The following BMPER variants were observed in gnomAD, a reference collection of about 807,000 sequenced individuals.
BMPER encodes BMP-binding endothelial regulator protein.
In BMPER, 45 loss-of-function variants were observed where a neutral mutation model predicts 87.3. The ratio of observed to expected loss-of-function variants is 0.52; its 90% confidence interval spans 0.41 to 0.66. BMPER has a LOEUF of 0.66. Ranked by LOEUF, BMPER falls within the 30% of genes least tolerant of loss-of-function variation. BMPER has a pLI of 0.00. For missense variants in BMPER, 784 were observed against 867.5 expected (o/e 0.90, Z 1.21); for synonymous variants, 326 against 316.2 (o/e 1.03, Z -0.33).
At chr7:34,145,572 C>T (rs1790995585) in intron 14 of BMPER, among the ~76,000 whole-genome samples, 1 of 152,130 alleles carries the variant, frequency 6.6e-6, no homozygotes, top group South Asian at 2.1e-4. Flanking sequence ...TGGGTCCTTC[C>T]AGCCATCTTG....
intron 2 of BMPER, among the ~76,000 whole-genome samples, chr7:33,923,613 C>T (rs1562632473): frequency 6.6e-6 from 1 of 152,074 alleles, no homozygotes; most frequent in Non-Finnish European, 1.5e-5. Context: ...GTATCTTGGT[C>T]CCTAAAATAC....
At chr7:34,006,280 T>G (rs1375847296) in intron 6 of BMPER, among the ~76,000 whole-genome samples, 1 of 152,074 alleles carries the variant, frequency 6.6e-6, no homozygotes, top group Non-Finnish European at 1.5e-5. Flanking sequence ...TTTAAAAGCC[T>G]TAGAAAAATA....
At chr7:34,112,474 G>A (rs761917620) in intron 13 of BMPER, among the ~76,000 whole-genome samples, 5 of 141,326 alleles carry the variant, frequency 3.5e-5, no homozygotes, top group Non-Finnish European at 6.1e-5. Context: ...CAGCCTGGGC[G>A]ACGGAGCGAG....
intron 10 of BMPER, among the ~76,000 whole-genome samples, chr7:34,060,415 A>G (rs1279726787): frequency 6.6e-6 from 1 of 152,156 alleles, no homozygotes; most frequent in East Asian, 1.9e-4. Flanking sequence ...AGTCTTGAGA[A>G]ACCAAAAGAG....
At chr7:34,048,468 A>AGT (rs1465887396) in intron 7 of BMPER, among the ~76,000 whole-genome samples, 1 of 152,180 alleles carries the variant, frequency 6.6e-6, no homozygotes, top group Admixed American at 6.5e-5. Context: ...TTGGGTTGCC[A>AGT]GTGTGTGTCA....
intron 7 of BMPER, among the ~76,000 whole-genome samples, chr7:34,050,577 G>C (rs1001750031): frequency 6.6e-6 from 1 of 152,114 alleles, no homozygotes; most frequent in African/African-American, 2.4e-5. Context: ...TAGGTATTTT[G>C]AGCATTTCAT....
At chr7:33,948,446 T>C (rs1353101969) in intron 3 of BMPER, among the ~76,000 whole-genome samples, 6 of 152,172 alleles carry the variant, frequency 3.9e-5, no homozygotes, top group African/African-American at 1.4e-4. Context: ...GAGGGGGTCT[T>C]CTGACTCCCA....
At chr7:33,964,801 C>T (rs925651303) in intron 3 of BMPER, among the ~76,000 whole-genome samples, 8 of 152,120 alleles carry the variant, frequency 5.3e-5, no homozygotes, top group Non-Finnish European at 1.2e-4. Flanking sequence ...ATCACCCTTT[C>T]TTTCAGTTTT....
intron 6 of BMPER, among the ~76,000 whole-genome samples, chr7:34,039,589 G>A (rs1787776052): frequency 7.2e-6 from 1 of 138,118 alleles, no homozygotes; most frequent in Non-Finnish European, 1.6e-5. Context: ...AATCTAGTGG[G>A]TAAGACACAC....
upstream of BMPER, chr7:33,905,515 A>G (rs1231864936): frequency 7.7e-6 from 10 of 1,305,548 alleles, no homozygotes; most frequent in Non-Finnish European, 1.0e-5. Context: ...CGGTCTCCCG[A>G]CACGCCGGCT....
chr7:33,958,918 TG>T (rs1346430049), intron 3 of BMPER, among the ~76,000 whole-genome samples: 1 of 152,084 alleles, frequency 6.6e-6, no homozygotes, highest in African/African-American at 2.4e-5. Flanking sequence ...AATTGAATGG[TG>T]GGGGCAGTTT....
intron 13 of BMPER, among the ~76,000 whole-genome samples, chr7:34,132,277 A>G (rs1790612609): frequency 6.6e-6 from 1 of 152,014 alleles, no homozygotes; most frequent in African/African-American, 2.4e-5. Flanking sequence ...GTGCCCCCTT[A>G]ATATGTTGCC....
At chr7:34,098,044 A>G (rs73690147) in intron 13 of BMPER, among the ~76,000 whole-genome samples, 1,568 of 152,140 alleles carry the variant, frequency 0.01, 31 homozygotes, top group African/African-American at 0.036. Context: ...CTCCTCGTTC[A>G]TGAAGTCATG....
At chr7:33,975,900 T>C (rs562935610) in intron 6 of BMPER, among the ~76,000 whole-genome samples, 1 of 152,154 alleles carries the variant, frequency 6.6e-6, no homozygotes, top group Non-Finnish European at 1.5e-5. Flanking sequence ...AGAGGAAATA[T>C]GACGAAATGT....
chr7:34,143,212 C>T lies in BMPER; in HGVS notation c.1746-18C>T. ...TTGATATTTTTAAATGTTTCTATCT[C>T]TCTTTTGGGTCCTATAGGTCCTGTG... On this transcript the variant is annotated intron_variant, in intron 13 of 14. Coordinates refer to ENST00000649409, the MANE Select transcript of BMPER (RefSeq NM_001365308.1). 1 of 1,613,744 alleles carries T rather than the reference C, an allele frequency of 6.2e-7. No homozygotes were observed. Among genetic ancestry groups the T allele is most frequent in the Non-Finnish European group, 8.5e-7 (1 of 1,179,788 alleles).
At chr7:33,994,905 T>A (rs992293115) in intron 6 of BMPER, among the ~76,000 whole-genome samples, 16 of 152,130 alleles carry the variant, frequency 1.1e-4, no homozygotes, top group African/African-American at 3.9e-4. Context: ...TTCTATAATA[T>A]CTCAATTCAG....
intron 3 of BMPER, among the ~76,000 whole-genome samples, chr7:33,960,932 C>T (rs1785254801): frequency 6.6e-6 from 1 of 152,288 alleles, no homozygotes; most frequent in Non-Finnish European, 1.5e-5. Flanking sequence ...AACACAGGAG[C>T]ATACTCTGAG....
At chr7:33,977,621 C>A (rs1785721705) in intron 6 of BMPER, among the ~76,000 whole-genome samples, 1 of 151,840 alleles carries the variant, frequency 6.6e-6, no homozygotes, top group Admixed American at 6.6e-5. Context: ...ATGTAATAAC[C>A]TGTTGTGCTT....
chr7:33,940,866 T>A (rs1241004478), intron 3 of BMPER, among the ~76,000 whole-genome samples: 3 of 139,670 alleles, frequency 2.1e-5, no homozygotes, highest in African/African-American at 8.1e-5. Context: ...TTATATATAT[T>A]ATATTATATA....
Sources: gnomAD v4.1 joint callset for allele counts (sites outside exome capture counted in the v4.1 genomes callset) on GRCh38, gnomAD v4.1.1 for gene constraint, MANE v1.5 for transcripts, NCBI Gene and HGNC (gene_info 2026-07-23, HGNC 2026-07-21) for gene names.